Variants in NEGR1 observed in about 807,000 individuals in gnomAD.
NEGR1 encodes neuronal growth regulator 1.
Under a neutral mutation model 40.9 loss-of-function variants are expected in NEGR1, and 10 were observed. The ratio of observed to expected loss-of-function variants is 0.24; its 90% CI spans 0.15 to 0.42. NEGR1 has a LOEUF of 0.42. NEGR1 is among the 10% of genes least tolerant of loss of function. The pLI, the probability that NEGR1 is intolerant of heterozygous loss-of-function variation, is 1.00. For synonymous variants in NEGR1, 185 were observed against 166.8 expected (o/e 1.11, Z -0.84); for missense variants, 352 against 438.9 (o/e 0.80, Z 1.77).
At chr1:71,415,834 G>A (rs1410497376) in intron 6 of NEGR1, among the ~76,000 whole-genome samples, 1 of 152,048 alleles carries the variant, frequency 6.6e-6, no homozygotes, top group African/African-American at 2.4e-5. Flanking sequence ...CTTTGAACTT[G>A]GTATGGCAAC....
chr1:72,222,244 C>T (rs1218518914), intron 1 of NEGR1, among the ~76,000 whole-genome samples: 1 of 152,140 alleles, frequency 6.6e-6, no homozygotes, highest in Non-Finnish European at 1.5e-5. Context: ...CAGGCCCACC[C>T]CTGCAAACCT....
intron 2 of NEGR1, among the ~76,000 whole-genome samples, chr1:71,786,406 T>A (rs1656909275): frequency 6.6e-6 from 1 of 152,184 alleles, no homozygotes; most frequent in Non-Finnish European, 1.5e-5. Flanking sequence ...TTTATAGTGA[T>A]CCCTTCTCAA....
At chr1:71,626,706 A>T (rs1650794590) in intron 4 of NEGR1, among the ~76,000 whole-genome samples, 1 of 152,126 alleles carries the variant, frequency 6.6e-6, no homozygotes, top group South Asian at 2.1e-4. Flanking sequence ...TGAACAGGCA[A>T]CCAACAGAAT....
intron 1 of NEGR1, among the ~76,000 whole-genome samples, chr1:72,263,850 T>C (rs1467563762): frequency 6.6e-6 from 1 of 151,516 alleles, no homozygotes; most frequent in Admixed American, 6.6e-5. Context: ...TGGTATGTGG[T>C]GGGAAAAGAT....
Position 72,161,680 on chromosome 1 carries a change from T to C in NEGR1, c.176+120639A>G, listed in dbSNP as rs200951238. Among the ~76,000 whole-genome samples, 60 of 132,412 alleles carry C rather than the reference T, an allele frequency of 4.5e-4. No homozygotes were observed. In the East Asian group the frequency reaches 5.1e-3, roughly 11 times the overall value. 86.9% of individuals were successfully genotyped at this position (132,412 alleles called of 152,430 possible). On this transcript the variant is annotated intron_variant, in intron 1 of 6. Transcript: ENST00000357731. ...TTATTTTTTCTTTCTTTCTTTCTTT[T>C]TTTTTTTTTTTTTTTTTGAGATGTA...
chr1:72,060,208 G>A (rs111488872), intron 1 of NEGR1, among the ~76,000 whole-genome samples: 2 of 151,502 alleles, frequency 1.3e-5, no homozygotes, highest in Non-Finnish European at 3.0e-5. Flanking sequence ...AACCTATCTT[G>A]ATTTTTTTCC....
chr1:71,721,781 T>G (rs1213556), intron 3 of NEGR1, among the ~76,000 whole-genome samples: 74,735 of 151,840 alleles, frequency 0.49, 18,748 homozygotes, highest in East Asian at 0.78. Context: ...GATAGAGAGT[T>G]ACTGCCTGCT....
chr1:72,235,790 T>C (rs1254520557), intron 1 of NEGR1, among the ~76,000 whole-genome samples: 1 of 152,000 alleles, frequency 6.6e-6, no homozygotes, highest in Non-Finnish European at 1.5e-5. Flanking sequence ...AGATGTAACA[T>C]TTGAAACAGT....
At position 72,047,224 on chromosome 1, in the gene NEGR1, A is replaced by G. The variant is rs1647011032; in HGVS notation, c.177-111913T>C. On this transcript the variant is annotated intron_variant, in intron 1 of 6. Transcript: ENST00000357731. Reference sequence around the variant, plus strand: ...GTAAGCATTTCAAGCATACAAGGAAAAGATGAGATTTAATATTAATAAGTG... The same window carrying G: ...GTAAGCATTTCAAGCATACAAGGAAGAGATGAGATTTAATATTAATAAGTG... Among the ~76,000 whole-genome samples the G allele has an allele frequency of 2.0e-5, 3 of 151,614 alleles. No homozygotes were observed. The South Asian group carries it at 6.2e-4, about 31-fold the overall frequency.
At chr1:71,736,454 T>C (rs1180216631) in intron 3 of NEGR1, among the ~76,000 whole-genome samples, 1 of 152,176 alleles carries the variant, frequency 6.6e-6, no homozygotes, top group Non-Finnish European at 1.5e-5. Flanking sequence ...AAATGTATTT[T>C]TTCCCCTAAG....
intron 2 of NEGR1, among the ~76,000 whole-genome samples, chr1:71,788,456 G>A (rs978617781): frequency 1.3e-4 from 19 of 150,282 alleles, no homozygotes; most frequent in Non-Finnish European, 2.4e-4. Flanking sequence ...GAAAAAAAAA[G>A]TTGTGTTTTA....
intron 2 of NEGR1, among the ~76,000 whole-genome samples, chr1:71,850,087 C>A (rs928276095): frequency 1.5e-5 from 2 of 134,596 alleles, no homozygotes; most frequent in African/African-American, 5.3e-5. Flanking sequence ...TACTTACATA[C>A]CATTGTGTGT....
intron 1 of NEGR1, among the ~76,000 whole-genome samples, chr1:72,251,098 G>T (rs1655072333): frequency 6.6e-6 from 1 of 152,184 alleles, no homozygotes; most frequent in Non-Finnish European, 1.5e-5. Flanking sequence ...TAGAAAATGT[G>T]TGGGGAGAGT....
chr1:72,130,677 T>A (rs982521440), intron 1 of NEGR1, among the ~76,000 whole-genome samples: 16 of 152,282 alleles, frequency 1.1e-4, no homozygotes, highest in African/African-American at 3.6e-4. Flanking sequence ...CAGTCTCCAT[T>A]ACCTCTGAGA....
intron 1 of NEGR1, among the ~76,000 whole-genome samples, chr1:72,146,698 A>G (rs943835667): frequency 6.6e-6 from 1 of 152,214 alleles, no homozygotes; most frequent in Admixed American, 6.6e-5. Flanking sequence ...CAAATATACA[A>G]AAATCTGAAA....
At chr1:71,837,034 T>C (rs1173183233) in intron 2 of NEGR1, 2 of 152,120 alleles carry the variant, frequency 1.3e-5, no homozygotes, top group Non-Finnish European at 2.9e-5. Flanking sequence ...GTATTATTAG[T>C]ATGTGAAACA....
At chr1:72,135,375 C>CAAAAAAAAAAAAAAAAAAAAAAAA (rs71074819) in intron 1 of NEGR1, among the ~76,000 whole-genome samples, 3 of 71,380 alleles carry the variant, frequency 4.2e-5, no homozygotes, top group Admixed American at 1.8e-4. Flanking sequence ...GACTCCGTCT[C>CAAAAAAAAAAAAAAAAAAAAAAAA]AAAAAAAAAA....
At chr1:71,561,680 A>G (rs1162129127) in intron 6 of NEGR1, among the ~76,000 whole-genome samples, 1 of 151,724 alleles carries the variant, frequency 6.6e-6, no homozygotes, top group African/African-American at 2.4e-5. Context: ...TCAAACAGCT[A>G]AAGACAACCA....
At chr1:72,244,809 T>C (rs951865044) in intron 1 of NEGR1, among the ~76,000 whole-genome samples, 43 of 152,104 alleles carry the variant, frequency 2.8e-4, no homozygotes, top group Middle Eastern at 3.4e-3. Context: ...TCATTAACAT[T>C]GAAAGTAATG....
Sources: gnomAD v4.1 joint callset for allele counts (sites outside exome capture counted in the v4.1 genomes callset) on GRCh38, gnomAD v4.1.1 for gene constraint, MANE v1.5 for transcripts, NCBI Gene and HGNC (gene_info 2026-07-23, HGNC 2026-07-21) for gene names.